RERE: variants seen among roughly 807,000 people sequenced by gnomAD.
RERE encodes arginine-glutamic acid dipeptide repeats protein.
In RERE, 40 loss-of-function variants were observed where a neutral mutation model predicts 146.1. That is an observed-to-expected ratio of 0.27 (90% CI 0.21 to 0.36). The LOEUF (loss-of-function observed/expected upper bound fraction) is 0.36, where lower values mean the gene tolerates loss of function less well. Ranked by LOEUF, RERE falls within the 10% of genes least tolerant of loss-of-function variation. RERE has a pLI of 1.00. For missense variants in RERE, 1,933 were observed against 2,138.7 expected, an observed-to-expected ratio of 0.90 and a Z score of 1.90; for synonymous variants, 1,003 against 866.0, an observed-to-expected ratio of 1.16 and a Z score of -2.78.
rs185040500 is a variant in RERE at position 8,562,521 on chromosome 1, C to A, written c.523-4998G>T. ...TTGTTTGTTTAGAGACAAGGTCTCACTCTGTTACCCAGGCTGGAGTGCAAT... is the reference window on the plus strand; with the variant it reads ...TTGTTTGTTTAGAGACAAGGTCTCAATCTGTTACCCAGGCTGGAGTGCAAT... On this transcript the variant is annotated intron_variant, in intron 4 of 22. Coordinates refer to ENST00000400908, the MANE Select transcript of RERE (RefSeq NM_001042681.2). Among the ~76,000 whole-genome samples the A allele has an allele frequency of 2.6e-5, 4 of 152,258 alleles. No homozygotes were observed. The East Asian group carries it at 5.8e-4, about 22-fold the overall frequency.
In RERE at chr1:8,360,719, G is replaced by T; in HGVS notation, c.2788C>A (p.Pro930Thr). 3 of 1,588,326 alleles carry T rather than the reference G, an allele frequency of 1.9e-6. No individual in the cohort carries two copies. The highest frequency in any genetic ancestry group is 8.6e-7 in the Non-Finnish European group (1 of 1,169,174). ...TGGGGGATGGGAGTGGTAGGCGGGGGCTTGATGTGGGGCATGGCCAAGGGC... is the reference window on the plus strand; with the variant it reads ...TGGGGGATGGGAGTGGTAGGCGGGGTCTTGATGTGGGGCATGGCCAAGGGC... ...PAPLAMPHIKPPPTTPIPQLP... is the reference protein window; with the variant it reads ...PAPLAMPHIKTPPTTPIPQLP... Residue 930 changes from proline (P) to threonine (T), a missense_variant, in exon 18 of 23, where the codon CCC (proline) becomes ACC (threonine). Physicochemically the swap from Pro to Thr is conservative, Grantham distance 38 (BLOSUM62 -1). Around this residue, in one of 11 missense-constraint regions of RERE, gnomAD observed 1,255 missense variants for 1,153.8 expected, o/e 1.09. Transcript: ENST00000400908.
chr1:8,548,808 C>T (rs1017204561), intron 6 of RERE, among the ~76,000 whole-genome samples: 4 of 152,004 alleles, frequency 2.6e-5, no homozygotes, highest in Non-Finnish European at 5.9e-5. Context: ...GATGGTGAAA[C>T]CCCATCTCTA....
At chr1:8,480,127 T>G (rs1463981956) in intron 10 of RERE, among the ~76,000 whole-genome samples, 1 of 35,838 alleles carries the variant, frequency 2.8e-5, no homozygotes, top group African/African-American at 2.0e-4. Flanking sequence ...AGCCTTTTTT[T>G]GTTTTTTTTT....
At chr1:8,491,767 T>C (rs564614086) in intron 10 of RERE, among the ~76,000 whole-genome samples, 1 of 152,360 alleles carries the variant, frequency 6.6e-6, no homozygotes, top group East Asian at 1.9e-4. Context: ...ATATAGCCTA[T>C]TTCATTTAAG....
chr1:8,697,970 T>C (rs1639370606), intron 1 of RERE, among the ~76,000 whole-genome samples: 1 of 152,210 alleles, frequency 6.6e-6, no homozygotes, highest in Admixed American at 6.5e-5. Context: ...ACTCACCTTA[T>C]AATATTATTT....
chr1:8,753,866 T>A (rs995170921), intron 1 of RERE: 2 of 152,186 alleles, frequency 1.3e-5, no homozygotes, highest in Admixed American at 6.6e-5. Context: ...AGGTCCCACA[T>A]TCATAGGCTG....
intron 11 of RERE, among the ~76,000 whole-genome samples, chr1:8,452,068 C>CA (rs1381776143): frequency 6.6e-6 from 1 of 152,200 alleles, no homozygotes; most frequent in Non-Finnish European, 1.5e-5. Flanking sequence ...ACCAACCACT[C>CA]AAATTCTTTT....
At chr1:8,660,720 A>G (rs930013575) in intron 1 of RERE, among the ~76,000 whole-genome samples, 14 of 152,100 alleles carry the variant, frequency 9.2e-5, no homozygotes, top group African/African-American at 3.4e-4. Context: ...AAACACACTC[A>G]CTCTGCCCCC....
chr1:8,643,535 C>G (rs1647209698), intron 2 of RERE, among the ~76,000 whole-genome samples: 1 of 152,184 alleles, frequency 6.6e-6, no homozygotes, highest in Non-Finnish European at 1.5e-5. Context: ...AAACCCTATG[C>G]AACTCTGAAA....
chr1:8,802,003 T>C (rs1641599887), intron 1 of RERE, among the ~76,000 whole-genome samples: 1 of 152,238 alleles, frequency 6.6e-6, no homozygotes, highest in Non-Finnish European at 1.5e-5. Flanking sequence ...CAAGATACTA[T>C]CTATAGTATG....
chr1:8,807,590 A>C (rs903909608), intron 1 of RERE, among the ~76,000 whole-genome samples: 1 of 152,174 alleles, frequency 6.6e-6, no homozygotes, highest in African/African-American at 2.4e-5. Context: ...ATGGAACACT[A>C]ATCGGATTGG....
At chr1:8,625,880 T>C (rs1339922788) in intron 2 of RERE, among the ~76,000 whole-genome samples, 1 of 152,212 alleles carries the variant, frequency 6.6e-6, no homozygotes, top group Non-Finnish European at 1.5e-5. Flanking sequence ...AAAGGCACTC[T>C]AGAAAAAGAA....
intron 2 of RERE, among the ~76,000 whole-genome samples, chr1:8,628,941 C>T (rs978198985): frequency 6.6e-6 from 1 of 152,138 alleles, no homozygotes; most frequent in African/African-American, 2.4e-5. Flanking sequence ...GCATATACTT[C>T]TTTTTTTATT....
At chr1:8,559,721 C>G (rs1646055399) in intron 4 of RERE, among the ~76,000 whole-genome samples, 1 of 152,194 alleles carries the variant, frequency 6.6e-6, no homozygotes, top group South Asian at 2.1e-4. Context: ...AACTACTGAA[C>G]ATATCCAGAC....
chr1:8,422,342 G>C (rs1323926571), intron 12 of RERE, among the ~76,000 whole-genome samples: 1 of 152,190 alleles, frequency 6.6e-6, no homozygotes, highest in African/African-American at 2.4e-5. Context: ...CTCTGGTTTG[G>C]TTGATGATTT....
chr1:8,530,968 G>C (rs981757423), intron 7 of RERE, among the ~76,000 whole-genome samples: 3 of 151,936 alleles, frequency 2.0e-5, no homozygotes, highest in Admixed American at 2.0e-4. Context: ...TGGGATTACA[G>C]GCGTGAGCCA....
intron 1 of RERE, among the ~76,000 whole-genome samples, chr1:8,746,666 G>A (rs1260312210): frequency 6.6e-6 from 1 of 151,800 alleles, no homozygotes; most frequent in Non-Finnish European, 1.5e-5. Flanking sequence ...TGACATACGA[G>A]TCATGATCGT....
chr1:8,497,666 A>G, intron 8 of RERE, 137 bp from the exon 9 acceptor site: 1 of 870,566 alleles, frequency 1.1e-6, no homozygotes, highest in Non-Finnish European at 1.8e-6. Flanking sequence ...TAACAACAAA[A>G]CCATGAGTCA....
intron 8 of RERE, among the ~76,000 whole-genome samples, chr1:8,498,766 C>CACACACACACAG (rs1056858982): frequency 6.7e-6 from 1 of 149,278 alleles, no homozygotes; most frequent in African/African-American, 2.5e-5. Flanking sequence ...CACACACACA[C>CACACACACACAG]ACATATGTAG....
Sources: allele counts gnomAD v4.1 joint callset (sites outside exome capture counted in the v4.1 genomes callset), GRCh38; gene constraint gnomAD v4.1.1; regional missense constraint gnomAD v4.1.1; transcripts MANE v1.5; gene names NCBI Gene and HGNC (gene_info 2026-07-23, HGNC 2026-07-21).